Variants in DOK6 observed in about 807,000 individuals in gnomAD.
The protein encoded by DOK6 is downstream of tyrosine kinase 6.
DOK6 carries 22 observed loss-of-function variants against 44.0 expected under a neutral mutation model. That is an observed-to-expected ratio of 0.50 (90% confidence interval 0.36 to 0.71). The LOEUF is 0.71. Among genes scored for constraint, DOK6 ranks in the 30% least tolerant of loss-of-function variants. The pLI, the probability that DOK6 is intolerant of heterozygous loss-of-function variation, is 0.00. For missense variants in DOK6, 340 were observed against 416.4 expected (o/e 0.82, Z 1.60); for synonymous variants, 166 against 145.5 (o/e 1.14, Z -1.01).
chr18:69,638,314 C>T (rs1984857642), intron 3 of DOK6, among the ~76,000 whole-genome samples: 1 of 152,226 alleles, frequency 6.6e-6, no homozygotes, highest in African/African-American at 2.4e-5. Flanking sequence ...CTTTGCCATA[C>T]ACTTGCCTGA....
At chr18:69,449,735 C>T (rs1407939068) in intron 1 of DOK6, among the ~76,000 whole-genome samples, 1 of 151,926 alleles carries the variant, frequency 6.6e-6, no homozygotes, top group African/African-American at 2.4e-5. Context: ...ACTGCCTCCT[C>T]AAGTGGGTCC....
At chr18:69,638,575 T>C (rs1157517301) in intron 3 of DOK6, among the ~76,000 whole-genome samples, 1 of 152,198 alleles carries the variant, frequency 6.6e-6, no homozygotes, top group Non-Finnish European at 1.5e-5. Context: ...CAGATCAAGT[T>C]TGAGTCAAAG....
chr18:69,625,640 T>A (rs1244334735), intron 3 of DOK6, among the ~76,000 whole-genome samples: 2 of 152,240 alleles, frequency 1.3e-5, no homozygotes, highest in African/African-American at 4.8e-5. Flanking sequence ...AGCAGGTATC[T>A]TAATTGCTTC....
At chr18:69,527,411 G>C (rs1214236334) in intron 1 of DOK6, among the ~76,000 whole-genome samples, 1 of 152,224 alleles carries the variant, frequency 6.6e-6, no homozygotes. Flanking sequence ...GGCAGCAGGA[G>C]AGGGAAGTGC....
intron 1 of DOK6, among the ~76,000 whole-genome samples, chr18:69,509,330 C>T (rs1981282188): frequency 6.6e-6 from 1 of 152,168 alleles, no homozygotes; most frequent in Admixed American, 6.5e-5. Flanking sequence ...CCGATAATCA[C>T]AAAATTAATT....
intron 2 of DOK6, among the ~76,000 whole-genome samples, chr18:69,596,158 G>A (rs1422975611): frequency 6.6e-6 from 1 of 152,080 alleles, no homozygotes; most frequent in Admixed American, 6.6e-5. Context: ...GAGCCCATCT[G>A]GATTTAGAAC....
intron 7 of DOK6, among the ~76,000 whole-genome samples, chr18:69,830,829 C>T (rs1981880777): frequency 6.6e-6 from 1 of 152,110 alleles, no homozygotes; most frequent in South Asian, 2.1e-4. Context: ...AAAAGGAGAA[C>T]ATGTTCAGGG....
At chr18:69,709,636 T>C (rs1447173706) in intron 5 of DOK6, among the ~76,000 whole-genome samples, 1 of 152,174 alleles carries the variant, frequency 6.6e-6, no homozygotes, top group African/African-American at 2.4e-5. Context: ...TACTTGATCA[T>C]GGTAATTAAC....
intron 1 of DOK6, among the ~76,000 whole-genome samples, chr18:69,473,525 T>C (rs1034876506): frequency 5.9e-5 from 9 of 152,148 alleles, no homozygotes; most frequent in African/African-American, 2.2e-4. Flanking sequence ...TTTCAGCCAT[T>C]GAAGATCCCT....
At chr18:69,430,143 C>G (rs927065186) in intron 1 of DOK6, among the ~76,000 whole-genome samples, 3 of 152,082 alleles carry the variant, frequency 2.0e-5, no homozygotes, top group Non-Finnish European at 4.4e-5. Context: ...GTTGGAAGGT[C>G]TAGGATTTGA....
At chr18:69,655,236 A>G (rs1985330510) in intron 3 of DOK6, among the ~76,000 whole-genome samples, 1 of 152,184 alleles carries the variant, frequency 6.6e-6, no homozygotes, top group Admixed American at 6.5e-5. Context: ...AGTAATGGGA[A>G]AAGTTTTACA....
intron 7 of DOK6, among the ~76,000 whole-genome samples, chr18:69,833,439 C>G (rs567728611): frequency 6.6e-6 from 1 of 152,086 alleles, no homozygotes; most frequent in East Asian, 1.9e-4. Context: ...AATGTAATAC[C>G]TAAAACTTCA....
intron 1 of DOK6, among the ~76,000 whole-genome samples, chr18:69,449,325 T>C (rs930498421): frequency 6.6e-6 from 1 of 152,224 alleles, no homozygotes; most frequent in Admixed American, 6.5e-5. Context: ...AAATGTGATC[T>C]AATATGCAGA....
At chr18:69,741,057 A>T (rs2144739460) in intron 6 of DOK6, among the ~76,000 whole-genome samples, 1 of 152,354 alleles carries the variant, frequency 6.6e-6, no homozygotes, top group African/African-American at 2.4e-5. Context: ...TAATGGATCC[A>T]GTCAATGTAA....
intron 1 of DOK6, among the ~76,000 whole-genome samples, chr18:69,550,352 T>C (rs1274239519): frequency 1.3e-5 from 2 of 151,882 alleles, no homozygotes; most frequent in Non-Finnish European, 2.9e-5. Context: ...CTGGATAAGA[T>C]AAAAGCACCC....
chr18:69,838,821 G>A (rs1294213063), intron 7 of DOK6, among the ~76,000 whole-genome samples: 2 of 114,770 alleles, frequency 1.7e-5, no homozygotes, highest in East Asian at 5.0e-4. Flanking sequence ...TTCCCTAGCT[G>A]CTCCCCTAAC....
intron 1 of DOK6, among the ~76,000 whole-genome samples, chr18:69,542,768 A>G (rs1383666125): frequency 6.6e-6 from 1 of 151,524 alleles, no homozygotes. Flanking sequence ...TATTTCTTCC[A>G]TGGGCTTTCG....
At chr18:69,434,958 A>AG (rs1568256367) in intron 1 of DOK6, among the ~76,000 whole-genome samples, 1 of 128,656 alleles carries the variant, frequency 7.8e-6, no homozygotes, top group Non-Finnish European at 1.7e-5. Flanking sequence ...GAGGGAGGGA[A>AG]GGAAGGAAGG....
chr18:69,478,592 G>A (rs965711873), intron 1 of DOK6, among the ~76,000 whole-genome samples: 6 of 152,104 alleles, frequency 3.9e-5, no homozygotes, highest in Non-Finnish European at 7.4e-5. Flanking sequence ...ATATGCCATT[G>A]TAAGATTAGT....
Sources: gnomAD v4.1 joint callset for allele counts (sites outside exome capture counted in the v4.1 genomes callset) on GRCh38, gnomAD v4.1.1 for gene constraint, MANE v1.5 for transcripts, NCBI Gene and HGNC (gene_info 2026-07-23, HGNC 2026-07-21) for gene names.